Variants in PRMT7 observed in about 807,000 individuals in gnomAD.
PRMT7 encodes protein arginine N-methyltransferase 7.
A neutral mutation model predicts 85.4 loss-of-function variants in PRMT7; 75 were observed. The observed-to-expected ratio is 0.88, with a 90% CI of 0.73 to 1.06. PRMT7 has a LOEUF of 1.06. Among genes scored for constraint, PRMT7 ranks in the 50% least tolerant of loss-of-function variants. The probability of loss-of-function intolerance (pLI) is 0.00; values close to 1 mark genes in which losing one functional copy is unlikely to be tolerated. For synonymous variants in PRMT7, 397 were observed against 359.5 expected (o/e 1.10, Z -1.18); for missense variants, 868 against 915.2 (o/e 0.95, Z 0.67).
rs751670999 is a variant in PRMT7 at position 68,352,314 on chromosome 16, T to G, written c.1480T>G (p.Trp494Gly). 6.2e-7 allele frequency: 1 copy of G among 1,613,368 alleles called. No individual in the cohort carries two copies. Among genetic ancestry groups the G allele is most frequent in the South Asian group, 1.1e-5 (1 of 91,090 alleles). ...SLLPWHNLYF[W>G]YVRTAVDQHL... ...GCTGCCGTGGCACAACCTCTACTTCTGGTACGTGCGGACCGCTGTGGACCA... is the reference window on the plus strand; with the variant it reads ...GCTGCCGTGGCACAACCTCTACTTCGGGTACGTGCGGACCGCTGTGGACCA... Residue 494 changes from tryptophan (W) to glycine (G), a missense_variant, in exon 15 of 19, where the codon TGG becomes GGG. Physicochemically the swap from Trp to Gly is radical, Grantham distance 184 (BLOSUM62 -2). Coordinates refer to ENST00000441236, the MANE Select transcript of PRMT7 (RefSeq NM_019023.5).
intron 15 of PRMT7, 114 bp from the exon 16 acceptor site, chr16:68,353,378 T>C (rs1454737848): frequency 6.4e-7 from 1 of 1,554,080 alleles, no homozygotes; most frequent in East Asian, 2.4e-5. Context: ...CCCTTCATAC[T>C]TGGGGGTCTC....
At chr16:68,322,522 A>G (rs1157773791) in intron 4 of PRMT7, 1 of 358,400 alleles carries the variant, frequency 2.8e-6, no homozygotes, top group Non-Finnish European at 5.8e-6. Flanking sequence ...TACCATGTGT[A>G]TATCTTTGTT....
chr16:68,327,603 A>G (rs545381535), intron 5 of PRMT7, among the ~76,000 whole-genome samples: 28 of 152,170 alleles, frequency 1.8e-4, no homozygotes, highest in Non-Finnish European at 3.4e-4. Flanking sequence ...CCCCTTATCT[A>G]TGGTTTCACT....
intron 2 of PRMT7, 120 bp from the exon 3 acceptor site, chr16:68,315,777 A>AT (rs1397446052): frequency 2.3e-5 from 13 of 576,592 alleles, no homozygotes; most frequent in African/African-American, 7.6e-5. Context: ...CAGTTTCTTG[A>AT]TTTTTTTCCC....
chr16:68,359,834 A>G (rs1346846505), downstream of PRMT7: 1 of 152,538 alleles, frequency 6.6e-6, no homozygotes, highest in Admixed American at 6.5e-5. Flanking sequence ...GCAGGTGGGC[A>G]GAGGCAGTGC....
intron 12 of PRMT7, 118 bp from the exon 13 acceptor site, chr16:68,347,513 G>A: frequency 8.4e-7 from 1 of 1,190,130 alleles, no homozygotes; most frequent in Non-Finnish European, 1.2e-6. Flanking sequence ...GGGAATGAGG[G>A]CAGGGAGGGT....
intron 4 of PRMT7, 106 bp downstream of exon 4, chr16:68,321,568 G>A (rs770271100): frequency 3.6e-6 from 4 of 1,097,636 alleles, no homozygotes; most frequent in Non-Finnish European, 5.4e-6. Context: ...GATACTGAGA[G>A]GCGTATGGTG....
rs2088615638 is a variant in PRMT7, at chr16:68,356,804, C to T, written c.1908+7C>T. 1 of 1,601,438 alleles carries T rather than the reference C, an allele frequency of 6.2e-7. No homozygotes were observed. The highest frequency in any genetic ancestry group is 1.3e-5 in the African/African-American group (1 of 74,700). ...GGAGCCTGCAGACCCCGAGGTAGTG[C>T]CTGCGCACCGGGCCCAGTGTGCGTG... On this transcript the variant is annotated splice_region_variant and intron_variant, in intron 18 of 18. Transcript: ENST00000441236.
At chr16:68,340,119 A>AG in intron 9 of PRMT7, 151 bp downstream of exon 9, 1 of 865,664 alleles carries the variant, frequency 1.2e-6, no homozygotes, top group African/African-American at 1.7e-5. Flanking sequence ...AAGCAAGCAA[A>AG]GGCTAGCTGT....
intron 5 of PRMT7, among the ~76,000 whole-genome samples, chr16:68,326,738 T>C (rs2083168130): frequency 6.6e-6 from 1 of 152,126 alleles, no homozygotes; most frequent in South Asian, 2.1e-4. Flanking sequence ...CCTCACCTGA[T>C]TTCAGGGGAG....
At chr16:68,338,833 A>C (rs1359107783) in intron 7 of PRMT7, among the ~76,000 whole-genome samples, 2 of 152,134 alleles carry the variant, frequency 1.3e-5, no homozygotes, top group Admixed American at 6.5e-5. Context: ...GAGTGGATGC[A>C]AGAGGTAGGA....
At chr16:68,340,959 G>A (rs1185669789) in intron 9 of PRMT7, among the ~76,000 whole-genome samples, 1 of 152,242 alleles carries the variant, frequency 6.6e-6, no homozygotes, top group East Asian at 1.9e-4. Flanking sequence ...ATGGTGTGTT[G>A]TGTGGCAGCA....
intron 5 of PRMT7, among the ~76,000 whole-genome samples, chr16:68,326,317 T>C (rs2083111036): frequency 6.6e-6 from 1 of 152,150 alleles, no homozygotes. Context: ...GTGATCTCTA[T>C]TCACCGCAAC....
At chr16:68,313,220 A>G (rs1289659712) in intron 2 of PRMT7, among the ~76,000 whole-genome samples, 3 of 152,064 alleles carry the variant, frequency 2.0e-5, no homozygotes. Flanking sequence ...TCTTCACTAT[A>G]AGTTTTTTTT....
intron 3 of PRMT7, among the ~76,000 whole-genome samples, chr16:68,319,782 A>C (rs1048023242): frequency 6.8e-6 from 1 of 146,482 alleles, no homozygotes; most frequent in Admixed American, 6.9e-5. Context: ...TAGTGATTCT[A>C]GTGTTGACCC....
At chr16:68,355,140 T>G (rs1045028237) in intron 16 of PRMT7, 8 of 152,982 alleles carry the variant, frequency 5.2e-5, no homozygotes, top group African/African-American at 1.9e-4. Flanking sequence ...ATGCCCTAGC[T>G]GGCTCCCCAC....
chr16:68,352,385 G>A lies in PRMT7; in HGVS notation c.1551G>A (p.Leu517=). The stretch of plus-strand genomic sequence containing the variant: ...TGGTGATGCCCCAGGCAGCCTCGCT[G>A]CACGCTGTGGTTGTGGAGTTCAGGG... ...GAMVMPQAAS[L]HAVVVEFRDL... is the part of the protein sequence containing the mutation. Residue 517 remains leucine, a synonymous_variant, in exon 15 of 19, where the codon CTG becomes CTA. Transcript: ENST00000441236. The A allele has an allele frequency of 6.2e-7, 1 of 1,606,792 alleles. No individual in the cohort carries two copies. Among genetic ancestry groups the A allele is most frequent in the South Asian group, 1.1e-5 (1 of 91,038 alleles).
At position 68,355,883 on chromosome 16, in the gene PRMT7, G is replaced by T; in HGVS notation, c.1811G>T (p.Arg604Met). ...LCAEGTVELR[R>M]PGQSHAAVLW... The stretch of plus-strand genomic sequence containing the variant: ...GCCGAGGGCACCGTGGAGCTCAGAA[G>T]GTGGGTGCAGAGAGGGCTGGGGGGC... The change falls in exon 17 of 19, where the codon AGG (arginine) becomes ATG (methionine). Residue 604 changes from arginine to methionine, a missense_variant and splice_region_variant. Arg to Met is a moderately conservative substitution (Grantham distance 91, BLOSUM62 -1). Coordinates refer to ENST00000441236, the MANE Select transcript of PRMT7 (RefSeq NM_019023.5). The T allele has an allele frequency of 6.3e-7, 1 of 1,589,600 alleles. No homozygotes were observed. Among genetic ancestry groups the T allele is most frequent in the Admixed American group, 1.7e-5 (1 of 59,056 alleles).
chr16:68,326,463 C>T (rs998765999), intron 5 of PRMT7, among the ~76,000 whole-genome samples: 4 of 152,184 alleles, frequency 2.6e-5, no homozygotes, highest in African/African-American at 9.7e-5. Flanking sequence ...CCAGGCTGGT[C>T]TTGAATTCCT....
Sources: allele counts gnomAD v4.1 joint callset (sites outside exome capture counted in the v4.1 genomes callset), GRCh38; gene constraint gnomAD v4.1.1; transcripts MANE v1.5; gene names NCBI Gene and HGNC (gene_info 2026-07-23, HGNC 2026-07-21).